RELN: variants seen among roughly 807,000 people sequenced by gnomAD.
RELN encodes reelin.
Under a neutral mutation model 427.6 loss-of-function variants are expected in RELN, and 108 were observed. The ratio of observed to expected loss-of-function variants is 0.25; its 90% CI spans 0.22 to 0.30. The LOEUF is 0.30. RELN is among the 10% of genes least tolerant of loss of function. The pLI is 1.00. For missense variants in RELN, 3,715 were observed against 4,302.8 expected, an observed-to-expected ratio of 0.86 and a Z score of 3.82; for synonymous variants, 1,524 against 1,513.4, an observed-to-expected ratio of 1.01 and a Z score of -0.16.
intron 3 of RELN, among the ~76,000 whole-genome samples, chr7:103,812,897 A>G (rs967757440): frequency 6.6e-6 from 1 of 152,098 alleles, no homozygotes; most frequent in Non-Finnish European, 1.5e-5. Context: ...TCTAATATCA[A>G]TGTTTAAAAT....
At chr7:103,981,586 A>G (rs780913042) in intron 1 of RELN, among the ~76,000 whole-genome samples, 1 of 152,242 alleles carries the variant, frequency 6.6e-6, no homozygotes, top group South Asian at 2.1e-4. Context: ...TGAAATACAT[A>G]TTAATTAGGA....
chr7:103,605,015 A>G (rs920795010), intron 22 of RELN, among the ~76,000 whole-genome samples: 44 of 152,178 alleles, frequency 2.9e-4, no homozygotes, highest in African/African-American at 9.9e-4. Context: ...TTTTTAGTAG[A>G]GACAGGGTTT....
intron 19 of RELN, among the ~76,000 whole-genome samples, chr7:103,633,129 G>A (rs1206995790): frequency 6.6e-6 from 1 of 151,942 alleles, no homozygotes; most frequent in Non-Finnish European, 1.5e-5. Context: ...ATGAATCATA[G>A]GCAAGCAAAT....
chr7:103,737,041 G>A (rs950818557), intron 6 of RELN, among the ~76,000 whole-genome samples: 2 of 152,116 alleles, frequency 1.3e-5, no homozygotes, highest in African/African-American at 2.4e-5. Context: ...CAAGAGGGAG[G>A]AGGTTAGAGA....
rs559489264 is a variant in RELN at position 103,979,317 on chromosome 7, C to A, written c.226+9814G>T. On this transcript the variant is annotated intron_variant, in intron 1 of 64. Transcript: ENST00000428762. ...ACCGGAGAATGAGACAAGGGCAGAC[C>A]CCACTTCTTATCACTAGACATGACA... Among the ~76,000 whole-genome samples, 44 of 152,254 alleles carry A rather than the reference C, an allele frequency of 2.9e-4. 1 individual carries two copies. The South Asian group carries it at 8.3e-3, about 29-fold the overall frequency.
At chr7:103,826,598 C>T (rs1026118616) in intron 3 of RELN, among the ~76,000 whole-genome samples, 4 of 151,978 alleles carry the variant, frequency 2.6e-5, no homozygotes, top group Admixed American at 2.0e-4. Flanking sequence ...GTTTCTCAGA[C>T]GTCTTTGTCA....
chr7:103,719,706 A>G (rs1437033442), intron 8 of RELN, among the ~76,000 whole-genome samples: 1 of 152,190 alleles, frequency 6.6e-6, no homozygotes, highest in East Asian at 1.9e-4. Flanking sequence ...CTTTGCAAGG[A>G]TGTCATCTCA....
chr7:103,619,108 C>G (rs1282187818), intron 20 of RELN, among the ~76,000 whole-genome samples: 1 of 138,806 alleles, frequency 7.2e-6, no homozygotes, highest in African/African-American at 3.0e-5. Flanking sequence ...GACTCCCTCT[C>G]AAATTAAAAA....
intron 8 of RELN, among the ~76,000 whole-genome samples, chr7:103,702,860 C>CGGAATCAT (rs1389468928): frequency 5.9e-5 from 9 of 152,172 alleles, no homozygotes; most frequent in South Asian, 4.1e-4. Flanking sequence ...TGCAAGTCAA[C>CGGAATCAT]GGAATCATGT....
At chr7:103,713,446 A>T (rs1246302834) in intron 8 of RELN, among the ~76,000 whole-genome samples, 1 of 152,154 alleles carries the variant, frequency 6.6e-6, no homozygotes, top group African/African-American at 2.4e-5. Context: ...TTGAGGTTGC[A>T]GTGAGTGGAA....
chr7:103,752,815 C>T (rs1297095029), intron 5 of RELN, among the ~76,000 whole-genome samples: 1 of 152,090 alleles, frequency 6.6e-6, no homozygotes, highest in African/African-American at 2.4e-5. Flanking sequence ...TTCAGTTCTT[C>T]CACATTCATG....
chr7:103,509,140 T>C (rs902832601), intron 51 of RELN, among the ~76,000 whole-genome samples: 1 of 152,270 alleles, frequency 6.6e-6, no homozygotes, highest in East Asian at 1.9e-4. Flanking sequence ...CTTCACAGAA[T>C]TGGAAAAACT....
chr7:103,519,532 A>T lies in RELN; in HGVS notation c.7669-16T>A. 1 of 1,585,978 alleles carries T rather than the reference A, an allele frequency of 6.3e-7. No individual in the cohort carries two copies. Among genetic ancestry groups the T allele is most frequent in the Non-Finnish European group, 8.7e-7 (1 of 1,154,814 alleles). On this transcript the variant is annotated splice_polypyrimidine_tract_variant and intron_variant, in intron 48 of 64. Transcript: ENST00000428762. Reference sequence around the variant, plus strand: ...GACTACAACCCTAAGAAAAAGAAGTAAAATAAAAAAAAGTGATAAGGAATC... The same window carrying T: ...GACTACAACCCTAAGAAAAAGAAGTTAAATAAAAAAAAGTGATAAGGAATC...
chr7:103,472,454 G>T lies in RELN; in HGVS notation c.*358C>A. ...CTTAAATAGCTTTGTGACCAAGAAT[G>T]TTAAATACTGTGCTAAATGCCATTT... is the stretch of plus-strand genomic sequence containing the variant. On this transcript the variant is annotated 3_prime_UTR_variant, in exon 65 of 65. Coordinates refer to ENST00000428762, the MANE Select transcript of RELN (RefSeq NM_005045.4). 3.2e-6 allele frequency: 1 copy of T among 308,832 alleles called. No individual in the cohort carries two copies. Among genetic ancestry groups the T allele is most frequent in the East Asian group, 8.4e-5 (1 of 11,936 alleles). 19.1% of individuals were successfully genotyped at this position (308,832 alleles called of 1,614,324 possible).
intron 9 of RELN, 110 bp downstream of exon 9, chr7:103,700,800 C>G (rs572280640): frequency 2.6e-6 from 2 of 759,026 alleles, no homozygotes; most frequent in Non-Finnish European, 4.8e-6. Context: ...AATTAACAAC[C>G]AGAGTCCTTT....
chr7:103,553,880 T>G (rs774565929), intron 38 of RELN, 49 bp from the exon 39 acceptor site: 4 of 1,495,280 alleles, frequency 2.7e-6, no homozygotes, highest in Non-Finnish European at 3.7e-6. Context: ...GAAAATCAAA[T>G]GAACACTTTT....
At chr7:103,635,928 C>T (rs1832570313) in intron 18 of RELN, among the ~76,000 whole-genome samples, 1 of 152,146 alleles carries the variant, frequency 6.6e-6, no homozygotes, top group Non-Finnish European at 1.5e-5. Flanking sequence ...AATCAGCCTC[C>T]TCAAGCTGTC....
At chr7:103,894,402 A>G (rs1370688793) in intron 2 of RELN, among the ~76,000 whole-genome samples, 12 of 152,176 alleles carry the variant, frequency 7.9e-5, no homozygotes, top group Non-Finnish European at 1.5e-4. Flanking sequence ...TGCAATTTCA[A>G]AACACTTAAA....
At chr7:103,668,418 A>G (rs1323903208) in intron 11 of RELN, among the ~76,000 whole-genome samples, 4 of 152,124 alleles carry the variant, frequency 2.6e-5, no homozygotes, top group Non-Finnish European at 5.9e-5. Flanking sequence ...CACACAATTA[A>G]CTGGTCTACA....
Sources: allele counts gnomAD v4.1 joint callset (sites outside exome capture counted in the v4.1 genomes callset), GRCh38; gene constraint gnomAD v4.1.1; transcripts MANE v1.5; gene names NCBI Gene and HGNC (gene_info 2026-07-23, HGNC 2026-07-21).